The following GARNL3 variants were observed in gnomAD, a reference collection of about 807,000 sequenced individuals.
The protein encoded by GARNL3 is GTPase activating Rap/RanGAP domain like 3, also known as GTPase-activating Rap/Ran-GAP domain-like protein 3.
GARNL3 carries 63 observed loss-of-function variants against 125.0 expected under a neutral mutation model. The observed-to-expected ratio is 0.50, with a 90% CI of 0.41 to 0.62. The LOEUF is 0.62. Among genes scored for constraint, GARNL3 ranks in the 20% least tolerant of loss-of-function variants. The probability of loss-of-function intolerance (pLI) is 0.00; values close to 1 mark genes in which losing one functional copy is unlikely to be tolerated. For missense variants in GARNL3, 994 were observed against 1,244.0 expected (o/e 0.80, Z 3.02); for synonymous variants, 439 against 457.5 (o/e 0.96, Z 0.52).
At chr9:127,367,752 A>T (rs1831360776) in intron 22 of GARNL3, among the ~76,000 whole-genome samples, 1 of 152,196 alleles carries the variant, frequency 6.6e-6, no homozygotes. Context: ...ATGCCAGGAA[A>T]ACTAGAAAAG....
At chr9:127,247,794 T>C (rs902216761) in intron 2 of GARNL3, among the ~76,000 whole-genome samples, 5 of 152,192 alleles carry the variant, frequency 3.3e-5, no homozygotes, top group African/African-American at 1.2e-4. Context: ...ATTATACTCT[T>C]TTAGTTATTT....
At chr9:127,249,902 G>A (rs933223669) in intron 2 of GARNL3, among the ~76,000 whole-genome samples, 2 of 152,138 alleles carry the variant, frequency 1.3e-5, no homozygotes, top group Non-Finnish European at 1.5e-5. Context: ...CCAGCTACTC[G>A]GGAGGCTGAG....
At chr9:127,361,277 G>T (rs938843216) in intron 21 of GARNL3, among the ~76,000 whole-genome samples, 14 of 151,782 alleles carry the variant, frequency 9.2e-5, no homozygotes, top group African/African-American at 2.7e-4. Flanking sequence ...TTTTAAGAGA[G>T]AGAGAGAGAG....
intron 2 of GARNL3, among the ~76,000 whole-genome samples, chr9:127,244,462 A>G (rs2063261288): frequency 6.6e-6 from 1 of 152,206 alleles, no homozygotes; most frequent in South Asian, 2.1e-4. Flanking sequence ...AAAATTACCC[A>G]GGGTAGCTTT....
intron 13 of GARNL3, among the ~76,000 whole-genome samples, chr9:127,341,664 G>C (rs1439687253): frequency 1.3e-5 from 2 of 152,158 alleles, no homozygotes; most frequent in African/African-American, 4.8e-5. Flanking sequence ...GGCCGCTAAA[G>C]ACCTGTAACC....
chr9:127,391,149 G>A (rs559422849), intron 27 of GARNL3, among the ~76,000 whole-genome samples: 1 of 152,020 alleles, frequency 6.6e-6, no homozygotes, highest in Middle Eastern at 3.4e-3. Context: ...GCCGGGCGTG[G>A]TGGCACATCC....
Position 127,371,193 on chromosome 9 carries a change from C to T in GARNL3, c.2161+5827C>T, listed in dbSNP as rs117464017. ...CCTATCTTTTATGGACCAGTCACTC[C>T]TCACCTGGTCGGTGTAGCACGCACG... On this transcript the variant is annotated intron_variant, in intron 22 of 27. Transcript: ENST00000373387. Among the ~76,000 whole-genome samples, 55 of 152,340 alleles carry T rather than the reference C, an allele frequency of 3.6e-4. No individual in the cohort carries two copies. In the East Asian group the frequency reaches 0.01, roughly 29 times the overall value.
intron 2 of GARNL3, among the ~76,000 whole-genome samples, chr9:127,309,364 C>G (rs1218950045): frequency 6.6e-6 from 1 of 152,132 alleles, no homozygotes; most frequent in African/African-American, 2.4e-5. Context: ...ATGGGTGGTT[C>G]TGGAGATAAT....
intron 1 of GARNL3, among the ~76,000 whole-genome samples, chr9:127,278,278 G>T (rs1022587484): frequency 6.6e-6 from 1 of 152,118 alleles, no homozygotes; most frequent in Non-Finnish European, 1.5e-5. Context: ...TACAAAATGG[G>T]TTTATGTATT....
intron 22 of GARNL3, among the ~76,000 whole-genome samples, chr9:127,366,077 C>G (rs1447342251): frequency 6.6e-6 from 1 of 152,084 alleles, no homozygotes; most frequent in Non-Finnish European, 1.5e-5. Flanking sequence ...AAGAAGTAAG[C>G]TATTTTCCTA....
intron 2 of GARNL3, among the ~76,000 whole-genome samples, chr9:127,250,523 A>ATAT (rs1486788201): frequency 6.6e-6 from 1 of 152,164 alleles, no homozygotes; most frequent in Non-Finnish European, 1.5e-5. Flanking sequence ...AGTAAGTCTG[A>ATAT]TTAGGGGCAC....
intron 26 of GARNL3, among the ~76,000 whole-genome samples, chr9:127,390,147 A>T (rs62579718): frequency 0.28 from 42,496 of 152,146 alleles, 6,974 homozygotes; most frequent in Middle Eastern, 0.43. Flanking sequence ...CCCTGCAGTA[A>T]TATTCCCTGA....
intron 3 of GARNL3, among the ~76,000 whole-genome samples, chr9:127,312,101 C>T (rs1233188815): frequency 6.6e-6 from 1 of 152,156 alleles, no homozygotes; most frequent in Non-Finnish European, 1.5e-5. Context: ...TAGTTCAAGG[C>T]AATGAGGGAA....
intron 3 of GARNL3, chr9:127,313,205 T>G: frequency 4.0e-6 from 2 of 498,776 alleles, no homozygotes; most frequent in South Asian, 4.7e-5. Flanking sequence ...CCTTGGCAGA[T>G]TTCTCCAGTC....
At chr9:127,273,201 C>T (rs1193104864) in intron 1 of GARNL3, among the ~76,000 whole-genome samples, 4 of 152,034 alleles carry the variant, frequency 2.6e-5, no homozygotes, top group Middle Eastern at 3.4e-3. Context: ...CAGAGCGGTC[C>T]CACAGCTAGG....
intron 12 of GARNL3, among the ~76,000 whole-genome samples, chr9:127,339,295 TC>T (rs1724680326): frequency 1.0e-5 from 1 of 97,538 alleles, no homozygotes; most frequent in African/African-American, 5.4e-5. Context: ...AGACTCCGTC[TC>T]AAAAAAAAAA....
chr9:127,372,742 G>A (rs1035406420), intron 22 of GARNL3, among the ~76,000 whole-genome samples: 5 of 152,178 alleles, frequency 3.3e-5, no homozygotes, highest in African/African-American at 1.2e-4. Flanking sequence ...CTTTTTATTA[G>A]ATCTGCTACT....
intron 2 of GARNL3, among the ~76,000 whole-genome samples, chr9:127,305,696 C>A (rs2064933860): frequency 6.6e-6 from 1 of 151,986 alleles, no homozygotes; most frequent in African/African-American, 2.4e-5. Context: ...CCTCAGCCTT[C>A]CAAGTAGCTG....
chr9:127,316,068 G>A (rs1271814469), intron 4 of GARNL3, among the ~76,000 whole-genome samples: 1 of 152,182 alleles, frequency 6.6e-6, no homozygotes, highest in Non-Finnish European at 1.5e-5. Flanking sequence ...CTACAAAAGG[G>A]AGGAGATGAG....
Sources: gnomAD v4.1 joint callset for allele counts (sites outside exome capture counted in the v4.1 genomes callset) on GRCh38, gnomAD v4.1.1 for gene constraint, MANE v1.5 for transcripts, NCBI Gene and HGNC (gene_info 2026-07-23, HGNC 2026-07-21) for gene names.